Variants in EGF observed in about 807,000 individuals in gnomAD.
The protein encoded by EGF is epidermal growth factor.
Under a neutral mutation model 143.8 loss-of-function variants are expected in EGF, and 95 were observed. The observed-to-expected ratio is 0.66, with a 90% CI of 0.56 to 0.78. The LOEUF (loss-of-function observed/expected upper bound fraction) is 0.78. Among genes scored for constraint, EGF ranks in the 30% least tolerant of loss-of-function variants. EGF has a pLI of 0.00. For synonymous variants in EGF, 510 were observed against 510.5 expected (o/e 1.00, Z 0.01); for missense variants, 1,320 against 1,470.9 (o/e 0.90, Z 1.68).
intron 10 of EGF, among the ~76,000 whole-genome samples, chr4:109,965,805 T>G (rs1578282119): frequency 3.3e-5 from 5 of 152,148 alleles, no homozygotes; most frequent in Admixed American, 3.3e-4. Flanking sequence ...GTGATTCTTA[T>G]GCACATTAGA....
chr4:110,004,254 A>AG (rs2126187105), intron 21 of EGF: 2 of 495,032 alleles, frequency 4.0e-6, no homozygotes, highest in South Asian at 3.9e-5. Context: ...ACACACACAA[A>AG]CACACACACA....
rs185893313 is a variant in EGF, at chr4:110,006,071, T to G, written c.3291+1449T>G. 2.9e-3 allele frequency among the ~76,000 whole-genome samples: 446 copies of G among 152,270 alleles called. 1 individual carries two copies. The highest frequency in any genetic ancestry group is 4.3e-3 in the Non-Finnish European group (292 of 68,010). Reference sequence around the variant, plus strand: ...GGAAAAAAATAGAGGCTGGGCAAGTTTGCTCATGCCTGTAATCCCCATGCT... The same window carrying G: ...GGAAAAAAATAGAGGCTGGGCAAGTGTGCTCATGCCTGTAATCCCCATGCT... On this transcript the variant is annotated intron_variant, in intron 22 of 23. Coordinates refer to ENST00000265171, the MANE Select transcript of EGF (RefSeq NM_001963.6).
chr4:109,949,673 A>C (rs955101217), intron 5 of EGF, among the ~76,000 whole-genome samples: 2 of 151,624 alleles, frequency 1.3e-5, no homozygotes, highest in East Asian at 3.9e-4. Context: ...ACTCAGGCAT[A>C]ATGAGCGTCA....
chr4:109,915,843 C>T (rs1024969483), intron 1 of EGF, among the ~76,000 whole-genome samples: 14 of 152,194 alleles, frequency 9.2e-5, no homozygotes, highest in Non-Finnish European at 1.5e-4. Context: ...CATGTGACTG[C>T]TAGCCGGATA....
Position 109,994,811 on chromosome 4 carries a change from C to G in EGF, c.2936C>G (p.Ser979Cys), listed in dbSNP as rs947293649. The change falls in exon 20 of 24, where the codon TCC (serine) becomes TGC (cysteine). Residue 979 changes from serine to cysteine, a missense_variant. Around this residue, in one of 5 missense-constraint regions of EGF, gnomAD observed 1,186 missense variants for 1,313.7 expected, o/e 0.90. Coordinates refer to ENST00000265171, the MANE Select transcript of EGF (RefSeq NM_001963.6). ...AATAGTGACTCTGAATGTCCCCTGTCCCACGATGGGTACTGCCTCCATGAT... is the reference window on the plus strand; with the variant it reads ...AATAGTGACTCTGAATGTCCCCTGTGCCACGATGGGTACTGCCTCCATGAT... ...VRNSDSECPL[S>C]HDGYCLHDGV... 1.2e-6 allele frequency: 2 copies of G among 1,614,012 alleles called. No individual in the cohort carries two copies. Among genetic ancestry groups the G allele is most frequent in the African/African-American group, 2.7e-5 (2 of 74,924 alleles).
chr4:109,962,081 A>C, intron 8 of EGF, 96 bp downstream of exon 8: 1 of 1,545,308 alleles, frequency 6.5e-7, no homozygotes, highest in Non-Finnish European at 8.9e-7. Flanking sequence ...GGAAGAATTG[A>C]TTTTCCAATA....
chr4:109,967,757 C>T (rs1467462636), intron 10 of EGF, among the ~76,000 whole-genome samples: 1 of 152,134 alleles, frequency 6.6e-6, no homozygotes, highest in African/African-American at 2.4e-5. Flanking sequence ...AAATTACAGT[C>T]ATGCATCACT....
At chr4:109,997,431 T>A (rs1047921672) in intron 20 of EGF, among the ~76,000 whole-genome samples, 1 of 152,108 alleles carries the variant, frequency 6.6e-6, no homozygotes, top group African/African-American at 2.4e-5. Context: ...CCAGCCCGGG[T>A]AACATGGTGA....
intron 21 of EGF, among the ~76,000 whole-genome samples, 200 bp downstream of exon 21, chr4:110,000,046 G>T (rs1367576704): frequency 6.6e-6 from 1 of 152,146 alleles, no homozygotes; most frequent in Non-Finnish European, 1.5e-5. Flanking sequence ...GAGGTCAGAA[G>T]TTCGAGACCA....
At chr4:109,952,158 A>G (rs1744044959) in intron 5 of EGF, among the ~76,000 whole-genome samples, 1 of 152,190 alleles carries the variant, frequency 6.6e-6, no homozygotes, top group South Asian at 2.1e-4. Flanking sequence ...TTTTGTACAC[A>G]TCTTAATGAC....
intron 16 of EGF, among the ~76,000 whole-genome samples, chr4:109,987,463 C>T (rs1269063947): frequency 6.6e-6 from 1 of 152,084 alleles, no homozygotes; most frequent in African/African-American, 2.4e-5. Context: ...GACAGAGTTT[C>T]ACCATGTTGC....
chr4:109,988,833 A>G, intron 18 of EGF, 124 bp downstream of exon 18: 3 of 1,459,962 alleles, frequency 2.1e-6, no homozygotes, highest in Non-Finnish European at 2.8e-6. Context: ...CAAGATTTAA[A>G]GAGTTGTGCG....
chr4:109,960,058 G>C (rs1745441054), intron 6 of EGF, among the ~76,000 whole-genome samples: 1 of 152,142 alleles, frequency 6.6e-6, no homozygotes. Context: ...TCTAGCATCT[G>C]CCTGTTAATT....
chr4:110,002,611 C>T lies in EGF; in HGVS notation c.3174-1894C>T, dbSNP rs559245784. On this transcript the variant is annotated intron_variant, in intron 21 of 23. Transcript: ENST00000265171. The stretch of plus-strand genomic sequence containing the variant: ...TGGAAGGACTCCCTTGTAAGAAAAT[C>T]AACAGGAAGTATTTCATCACAAAGT... Among the ~76,000 whole-genome samples the T allele has an allele frequency of 8.5e-4, 129 of 152,136 alleles. 2 individuals are homozygous for T. The highest frequency in any genetic ancestry group is 2.8e-3 in the African/African-American group (118 of 41,496).
In EGF at chr4:109,945,173, A is replaced by T. The variant is rs758470342; in HGVS notation, c.838A>T (p.Met280Leu). The change falls in exon 5 of 24, where the codon ATG (methionine) becomes TTG (leucine). Residue 280 changes from methionine to leucine, a missense_variant. By Grantham distance (15) the Met-to-Leu change is conservative (BLOSUM62 2). Around this residue, in one of 5 missense-constraint regions of EGF, gnomAD observed 1,186 missense variants for 1,313.7 expected, o/e 0.90. Coordinates refer to ENST00000265171, the MANE Select transcript of EGF (RefSeq NM_001963.6). ...WIANKHTGKD[M>L]VRINLHSSFV... ...AGCCAACAAACACACTGGAAAGGAC[A>T]TGGTTAGAATTAACCTCCATTCATC... is the stretch of plus-strand genomic sequence containing the variant. 1.2e-6 allele frequency: 2 copies of T among 1,614,092 alleles called. No individual in the cohort carries two copies. The highest frequency in any genetic ancestry group is 1.7e-6 in the Non-Finnish European group (2 of 1,180,044).
chr4:109,940,785 T>G lies in EGF; in HGVS notation c.128-161T>G, dbSNP rs78141039. ...CAATTTACAAAGTGGAGTGTGAATA[T>G]CTACAGGAACTCTTTATTGTCTATA... On this transcript the variant is annotated intron_variant, in intron 1 of 23. Transcript: ENST00000265171. 1.8e-3 allele frequency: 1,257 copies of G among 682,240 alleles called. 17 individuals carry two copies. In the African/African-American group the frequency reaches 0.019, roughly 10 times the overall value. The allele number at this position is 682,240 out of a possible 1,614,324, so 42.3% of individuals were successfully genotyped here.
At chr4:109,986,916 T>C (rs1270741750) in intron 16 of EGF, among the ~76,000 whole-genome samples, 2 of 152,210 alleles carry the variant, frequency 1.3e-5, no homozygotes, top group African/African-American at 2.4e-5. Context: ...TACATAAATC[T>C]TGATAATAAA....
At chr4:109,917,091 C>A (rs543651929) in intron 1 of EGF, among the ~76,000 whole-genome samples, 2 of 152,016 alleles carry the variant, frequency 1.3e-5, no homozygotes, top group Admixed American at 6.6e-5. Flanking sequence ...GGTTTCTTAC[C>A]GGTAATAATC....
At chr4:109,984,586 G>A (rs1016502085) in intron 16 of EGF, among the ~76,000 whole-genome samples, 3 of 152,036 alleles carry the variant, frequency 2.0e-5, no homozygotes, top group African/African-American at 4.8e-5. Flanking sequence ...ATCAGGCATC[G>A]GTGTAGGCAG....
Sources: gnomAD v4.1 joint callset for allele counts (sites outside exome capture counted in the v4.1 genomes callset) on GRCh38, gnomAD v4.1.1 for gene constraint, gnomAD v4.1.1 regional missense constraint, MANE v1.5 for transcripts, NCBI Gene and HGNC (gene_info 2026-07-23, HGNC 2026-07-21) for gene names.